Variants in LPXN observed in about 807,000 individuals in gnomAD.
LPXN encodes the protein leupaxin.
A neutral mutation model predicts 45.6 loss-of-function variants in LPXN; 28 were observed. The ratio of observed to expected loss-of-function variants is 0.61; its 90% CI spans 0.45 to 0.84. LPXN has a LOEUF of 0.84. Among genes scored for constraint, LPXN ranks in the 40% least tolerant of loss-of-function variants. The pLI is 0.00. For synonymous variants in LPXN, 166 were observed against 169.9 expected (o/e 0.98, Z 0.18); for missense variants, 459 against 475.0 (o/e 0.97, Z 0.31).
At chr11:58,557,268 A>C (rs1387916471) in intron 3 of LPXN, among the ~76,000 whole-genome samples, 1 of 152,194 alleles carries the variant, frequency 6.6e-6, no homozygotes, top group African/African-American at 2.4e-5. Context: ...AATATTCACA[A>C]TTCACAATAG....
At chr11:58,559,119 A>T (rs1854297477) in intron 3 of LPXN, among the ~76,000 whole-genome samples, 1 of 152,068 alleles carries the variant, frequency 6.6e-6, no homozygotes, top group African/African-American at 2.4e-5. Flanking sequence ...TAATCTTTAA[A>T]TTTGCAATTT....
intron 3 of LPXN, among the ~76,000 whole-genome samples, chr11:58,558,270 C>T (rs553699173): frequency 2.6e-5 from 4 of 151,548 alleles, no homozygotes; most frequent in South Asian, 2.1e-4. Context: ...GGGCTGGGTG[C>T]GATCGTTCAT....
At position 58,527,523 on chromosome 11, in the gene LPXN, C is replaced by T; in HGVS notation, c.1092G>A (p.Lys364=). ...VCAFCLTQLS[K]GIFREQNDKT... The stretch of plus-strand genomic sequence containing the variant: ...TGTCATTCTGCTCCCTGAAAATGCC[C>T]TTCGACAACTGTGTCAGGCAGAAAG... Residue 364 remains lysine (K), a synonymous_variant, in exon 9 of 9, where the codon AAG becomes AAA. Transcript: ENST00000395074. 6.2e-7 allele frequency: 1 copy of T among 1,614,174 alleles called. No individual in the cohort carries two copies. The highest frequency in any genetic ancestry group is 8.5e-7 in the Non-Finnish European group (1 of 1,180,034).
intron 7 of LPXN, among the ~76,000 whole-genome samples, chr11:58,546,797 T>C (rs1273647151): frequency 6.6e-6 from 1 of 152,164 alleles, no homozygotes; most frequent in African/African-American, 2.4e-5. Flanking sequence ...AGATGTAATA[T>C]ATATCAAATT....
chr11:58,548,824 T>G (rs1462626074), intron 7 of LPXN, among the ~76,000 whole-genome samples: 1 of 152,192 alleles, frequency 6.6e-6, no homozygotes, highest in East Asian at 1.9e-4. Flanking sequence ...AACCTGGAAG[T>G]CTGACTCTAA....
At chr11:58,578,026 C>G (rs1306341599), upstream of LPXN, 2 of 1,550,806 alleles carry the variant, frequency 1.3e-6, no homozygotes, top group South Asian at 2.4e-5. Context: ...CACCGGAAGA[C>G]GAGATCAATA....
intron 2 of LPXN, among the ~76,000 whole-genome samples, chr11:58,565,659 G>A (rs544616699): frequency 6.6e-6 from 1 of 151,906 alleles, no homozygotes; most frequent in Non-Finnish European, 1.5e-5. Flanking sequence ...AAGTGATAGT[G>A]ATACAAAGTT....
intron 2 of LPXN, among the ~76,000 whole-genome samples, chr11:58,566,463 G>T (rs909218122): frequency 6.6e-6 from 1 of 152,098 alleles, no homozygotes; most frequent in Non-Finnish European, 1.5e-5. Flanking sequence ...CTATATCTGT[G>T]ATTGTTTCAA....
At chr11:58,578,712 CAGGG>C (rs990561980), upstream of LPXN, among the ~76,000 whole-genome samples, 16 of 152,074 alleles carry the variant, frequency 1.1e-4, no homozygotes, top group African/African-American at 3.4e-4. Flanking sequence ...AGTGGCTCCT[CAGGG>C]AGGCAGGTGC....
At chr11:58,578,011 TCA>T (rs1409084112), upstream of LPXN, 1 of 1,550,512 alleles carries the variant, frequency 6.4e-7, no homozygotes, top group Non-Finnish European at 8.7e-7. Context: ...GGTGAGTGAC[TCA>T]CACACCGGAA....
intron 7 of LPXN, among the ~76,000 whole-genome samples, chr11:58,529,981 C>T (rs1045163014): frequency 5.3e-5 from 8 of 152,114 alleles, no homozygotes; most frequent in East Asian, 1.9e-4. Flanking sequence ...GAAACTGTGC[C>T]GTGAGGAACA....
chr11:58,551,355 A>G (rs1194164974), intron 4 of LPXN, 123 bp from the exon 5 acceptor site: 22 of 707,068 alleles, frequency 3.1e-5, no homozygotes. Context: ...ACCTTCCTGC[A>G]AGACATTGGA....
chr11:58,562,864 A>T lies in LPXN; in HGVS notation c.218+1291T>A, dbSNP rs542919183. On this transcript the variant is annotated intron_variant, in intron 3 of 8. Coordinates refer to ENST00000395074, the MANE Select transcript of LPXN (RefSeq NM_004811.3). ...GCTTTTTACCCTGCAGTCTTTCCAC[A>T]GTGCCTCCCATTGGTTGAAGACAGT... 1.2e-4 allele frequency among the ~76,000 whole-genome samples: 18 copies of T among 152,304 alleles called. No homozygotes were observed. In the South Asian group the frequency reaches 3.5e-3, roughly 30 times the overall value.
chr11:58,563,589 T>A (rs1235806726), intron 3 of LPXN, among the ~76,000 whole-genome samples: 1 of 152,272 alleles, frequency 6.6e-6, no homozygotes, highest in Non-Finnish European at 1.5e-5. Context: ...TTAATCTTGT[T>A]ATTTTTTCAG....
intron 3 of LPXN, 85 bp downstream of exon 3, chr11:58,564,070 A>T: frequency 1.2e-6 from 1 of 850,510 alleles, no homozygotes; most frequent in Non-Finnish European, 1.9e-6. Flanking sequence ...AAACACTTGC[A>T]AAGCAAATTA....
rs533550928 is a variant in LPXN, at chr11:58,538,041, C to A, written c.743-9850G>T. 3.6e-3 allele frequency among the ~76,000 whole-genome samples: 538 copies of A among 150,514 alleles called. 2 individuals are homozygous for A. The highest frequency in any genetic ancestry group is 6.3e-3 in the Admixed American group (95 of 15,080). On this transcript the variant is annotated intron_variant, in intron 7 of 8. Coordinates refer to ENST00000395074, the MANE Select transcript of LPXN (RefSeq NM_004811.3). ...TGTGGCGTTTGGTTTTTTGTCCTTG[C>A]GATAGTTTACTGAGAATGATGATTT...
At chr11:58,539,825 G>A (rs1265456249) in intron 7 of LPXN, among the ~76,000 whole-genome samples, 1 of 152,058 alleles carries the variant, frequency 6.6e-6, no homozygotes, top group Non-Finnish European at 1.5e-5. Flanking sequence ...ACTGATGATA[G>A]AAAGTTTTTG....
At chr11:58,574,713 A>G (rs1854825601) in intron 1 of LPXN, among the ~76,000 whole-genome samples, 1 of 152,140 alleles carries the variant, frequency 6.6e-6, no homozygotes, top group African/African-American at 2.4e-5. Flanking sequence ...CAATATCAAA[A>G]TAGACTTTAC....
chr11:58,534,072 G>C lies in LPXN; in HGVS notation c.743-5881C>G, dbSNP rs561769051. ...ACTCTTAGACTTCCACACAATAATA[G>C]TGGGAGACTTTAACACCCCACTGTC... On this transcript the variant is annotated intron_variant, in intron 7 of 8. Transcript: ENST00000395074. Among the ~76,000 whole-genome samples the C allele has an allele frequency of 2.1e-3, 321 of 152,176 alleles. 1 individual carries two copies. Among genetic ancestry groups the C allele is most frequent in the Non-Finnish European group, 3.6e-3 (244 of 67,998 alleles).
Sources: gnomAD v4.1 joint callset for allele counts (sites outside exome capture counted in the v4.1 genomes callset) on GRCh38, gnomAD v4.1.1 for gene constraint, MANE v1.5 for transcripts, NCBI Gene and HGNC (gene_info 2026-07-23, HGNC 2026-07-21) for gene names.